SLIT2: variants seen among roughly 807,000 people sequenced by gnomAD.
SLIT2 encodes slit guidance ligand 2.
A neutral mutation model predicts 185.7 loss-of-function variants in SLIT2; 41 were observed. The observed-to-expected ratio is 0.22, with a 90% CI of 0.17 to 0.29. The LOEUF is 0.29. Among genes scored for constraint, SLIT2 ranks in the 10% least tolerant of loss-of-function variants. The probability of loss-of-function intolerance (pLI) is 1.00; values close to 1 mark genes in which losing one functional copy is unlikely to be tolerated. For synonymous variants in SLIT2, 693 were observed against 680.2 expected (o/e 1.02, Z -0.29); for missense variants, 1,571 against 1,909.0 (o/e 0.82, Z 3.30).
intron 12 of SLIT2, among the ~76,000 whole-genome samples, chr4:20,520,595 T>G (rs375771182): frequency 3.3e-5 from 5 of 152,312 alleles, no homozygotes; most frequent in Admixed American, 2.0e-4. Context: ...TATATAAATA[T>G]ATTCCTGAAT....
rs1024975224 is a variant in SLIT2 at position 20,343,861 on chromosome 4, TA to T, written c.395+74981del. On this transcript the variant is annotated intron_variant, in intron 4 of 36. Coordinates refer to ENST00000504154, the MANE Select transcript of SLIT2 (RefSeq NM_004787.4). ...AGTAATCTATTATTATTATTAGTATTATTTTTTTGAGATGGAGTCTCGCTCT... is the reference window on the plus strand; with the variant it reads ...AGTAATCTATTATTATTATTAGTATTTTTTTTTGAGATGGAGTCTCGCTCT... 9.9e-4 allele frequency among the ~76,000 whole-genome samples: 150 copies of T among 151,826 alleles called. 1 individual carries two copies. Among genetic ancestry groups the T allele is most frequent in the African/African-American group, 3.5e-3 (145 of 41,414 alleles).
At chr4:20,589,969 G>A (rs1245588989) in intron 30 of SLIT2, among the ~76,000 whole-genome samples, 3 of 137,866 alleles carry the variant, frequency 2.2e-5, no homozygotes, top group East Asian at 4.6e-4. Context: ...GCAGTGGCAC[G>A]ATCTCGGCTC....
rs1722109077 is a variant in SLIT2 at position 20,252,363 on chromosome 4, C to A, written c.-1453C>A. Reference sequence around the variant, plus strand: ...CGCCCTCCCTCTCCCCGACCTCGCTCCCTGGAGCGGGAGGCCAGGAAAGCA... The same window carrying A: ...CGCCCTCCCTCTCCCCGACCTCGCTACCTGGAGCGGGAGGCCAGGAAAGCA... On this transcript the variant is annotated 5_prime_UTR_variant, in exon 1 of 37. Coordinates refer to ENST00000504154, the MANE Select transcript of SLIT2 (RefSeq NM_004787.4). 6.6e-6 allele frequency among the ~76,000 whole-genome samples: 1 copy of A among 152,160 alleles called. No homozygotes were observed. Among genetic ancestry groups the A allele is most frequent in the Non-Finnish European group, 1.5e-5 (1 of 68,030 alleles).
At chr4:20,511,593 T>TTTTTTTTTTTTTTTA (rs560002264) in intron 11 of SLIT2, among the ~76,000 whole-genome samples, 7 of 134,246 alleles carry the variant, frequency 5.2e-5, no homozygotes, top group Non-Finnish European at 9.5e-5. Flanking sequence ...GCTAATTTTT[T>TTTTTTTTTTTTTTTA]TTTTTTTTTT....
intron 4 of SLIT2, among the ~76,000 whole-genome samples, chr4:20,367,608 C>T (rs28438415): frequency 9.7e-4 from 147 of 152,264 alleles, no homozygotes; most frequent in African/African-American, 3.4e-3. Flanking sequence ...CTGCTGTCAT[C>T]TTGACTGATT....
chr4:20,334,657 C>T (rs982266081), intron 4 of SLIT2, among the ~76,000 whole-genome samples: 1 of 152,016 alleles, frequency 6.6e-6, no homozygotes, highest in African/African-American at 2.4e-5. Flanking sequence ...TAAAAAAGTC[C>T]ATGTTGAATT....
chr4:20,551,074 AT>A (rs1723705204), intron 25 of SLIT2, among the ~76,000 whole-genome samples, 176 bp downstream of exon 25: 1 of 152,122 alleles, frequency 6.6e-6, no homozygotes, highest in African/African-American at 2.4e-5. Context: ...GATGGCTTTA[AT>A]TTTCCCTTCT....
In SLIT2 at chr4:20,532,077, A is replaced by T. The variant is rs755199574; in HGVS notation, c.1688+19A>T. On this transcript the variant is annotated intron_variant, in intron 17 of 36. Coordinates refer to ENST00000504154, the MANE Select transcript of SLIT2 (RefSeq NM_004787.4). ...GTAAAATGTAAGTCACTTGTTAGCT[A>T]TTTTTTTTATTTCTGTAGCATTTTT... The T allele has an allele frequency of 1.2e-5, 16 of 1,324,092 alleles. No homozygotes were observed. In the East Asian group the frequency reaches 3.4e-4, roughly 28 times the overall value. The allele number at this position is 1,324,092 out of a possible 1,614,324, so 82.0% of individuals were successfully genotyped here.
At chr4:20,597,278 G>C (rs1478491525) in intron 32 of SLIT2, among the ~76,000 whole-genome samples, 4 of 152,034 alleles carry the variant, frequency 2.6e-5, no homozygotes, top group Admixed American at 2.6e-4. Flanking sequence ...ATGTTGGCCA[G>C]GATGGTCTCG....
chr4:20,430,506 A>G (rs1728891906), intron 4 of SLIT2, among the ~76,000 whole-genome samples: 1 of 152,226 alleles, frequency 6.6e-6, no homozygotes. Flanking sequence ...AATATCAAAG[A>G]CAGAACATGT....
rs1038778142 is a variant in SLIT2 at position 20,293,524 on chromosome 4, A to G, written c.395+24643A>G. ...GTTCCCTCAGCGTTTTGTTTGAGGTACTAGTGATTATCAAGTGAAGTTCTT... is the reference window on the plus strand; with the variant it reads ...GTTCCCTCAGCGTTTTGTTTGAGGTGCTAGTGATTATCAAGTGAAGTTCTT... On this transcript the variant is annotated intron_variant, in intron 4 of 36. Transcript: ENST00000504154. 3.3e-5 allele frequency among the ~76,000 whole-genome samples: 5 copies of G among 152,222 alleles called. No homozygotes were observed. In the East Asian group the frequency reaches 9.6e-4, roughly 29 times the overall value.
intron 4 of SLIT2, among the ~76,000 whole-genome samples, chr4:20,343,518 T>A (rs1232381596): frequency 6.6e-6 from 1 of 151,996 alleles, no homozygotes; most frequent in African/African-American, 2.4e-5. Context: ...TTTTTTTTTC[T>A]TGAGATTAAG....
chr4:20,364,331 G>A, intron 4 of SLIT2: 6 of 957,346 alleles, frequency 6.3e-6, no homozygotes, highest in Non-Finnish European at 7.5e-6. Flanking sequence ...AAAAGGGCCT[G>A]CATTTCAGGA....
chr4:20,548,346 G>GA, intron 22 of SLIT2, 142 bp from the exon 23 acceptor site: 1 of 586,296 alleles, frequency 1.7e-6, no homozygotes, highest in Non-Finnish European at 3.0e-6. Flanking sequence ...CCAGTGGGTC[G>GA]TTCACTGTTT....
At chr4:20,434,064 A>C (rs1729171884) in intron 4 of SLIT2, among the ~76,000 whole-genome samples, 1 of 152,178 alleles carries the variant, frequency 6.6e-6, no homozygotes, top group African/African-American at 2.4e-5. Flanking sequence ...GAGAAATACT[A>C]ATATGAATAA....
intron 4 of SLIT2, among the ~76,000 whole-genome samples, chr4:20,345,322 G>T (rs911337300): frequency 2.0e-5 from 3 of 151,990 alleles, no homozygotes; most frequent in African/African-American, 7.2e-5. Flanking sequence ...TTGAAAACCT[G>T]TAGCTCTTTG....
chr4:20,364,030 T>C (rs1268905684), intron 4 of SLIT2, among the ~76,000 whole-genome samples: 1 of 152,132 alleles, frequency 6.6e-6, no homozygotes, highest in African/African-American at 2.4e-5. Flanking sequence ...TGTCAAAAAA[T>C]ATCAAATCAG....
intron 4 of SLIT2, among the ~76,000 whole-genome samples, chr4:20,455,985 A>C (rs943078818): frequency 3.3e-5 from 5 of 152,174 alleles, no homozygotes; most frequent in African/African-American, 1.2e-4. Context: ...TGTAAATTCT[A>C]GAAGGAAGTC....
At chr4:20,579,318 G>C (rs949994502) in intron 29 of SLIT2, among the ~76,000 whole-genome samples, 1 of 150,946 alleles carries the variant, frequency 6.6e-6, no homozygotes, top group Non-Finnish European at 1.5e-5. Context: ...AAAAAAAATA[G>C]CCCAGCCAAC....
Sources: gnomAD v4.1 joint callset for allele counts (sites outside exome capture counted in the v4.1 genomes callset) on GRCh38, gnomAD v4.1.1 for gene constraint, MANE v1.5 for transcripts, NCBI Gene and HGNC (gene_info 2026-07-23, HGNC 2026-07-21) for gene names.